The following PATL1 variants were observed in gnomAD, a reference collection of about 807,000 sequenced individuals.
The protein encoded by PATL1 is PAT1 homolog 1, processing body mRNA decay factor.
In PATL1, 32 loss-of-function variants were observed where a neutral mutation model predicts 100.6. The ratio of observed to expected loss-of-function variants is 0.32; its 90% CI spans 0.24 to 0.43. PATL1 has a LOEUF of 0.43. Among genes scored for constraint, PATL1 ranks in the 20% least tolerant of loss-of-function variants. The pLI, the probability that PATL1 is intolerant of heterozygous loss-of-function variation, is 1.00. For missense variants in PATL1, 747 were observed against 949.9 expected, an observed-to-expected ratio of 0.79 and a Z score of 2.81; for synonymous variants, 332 against 330.0, an observed-to-expected ratio of 1.01 and a Z score of -0.07.
At chr11:59,655,011 G>C (rs2134752190) in intron 8 of PATL1, among the ~76,000 whole-genome samples, 1 of 152,284 alleles carries the variant, frequency 6.6e-6, no homozygotes. Context: ...TCAAACTCAA[G>C]ACTGCAACTT....
chr11:59,656,447 A>G, intron 6 of PATL1, 52 bp downstream of exon 6: 3 of 1,444,726 alleles, frequency 2.1e-6, no homozygotes, highest in Non-Finnish European at 9.7e-7. Flanking sequence ...TCTTACAAAT[A>G]GTGATCAGAA....
In PATL1 at chr11:59,637,484, G is replaced by T. The variant is rs1861209131; in HGVS notation, c.*906C>A. Reference sequence around the variant, plus strand: ...ACTGAAGTAGTCTCAGGAAGACAGGGCAAGTGTGCAAAAAGCCACACTGCC... The same window carrying T: ...ACTGAAGTAGTCTCAGGAAGACAGGTCAAGTGTGCAAAAAGCCACACTGCC... On this transcript the variant is annotated 3_prime_UTR_variant, in exon 19 of 19. Coordinates refer to ENST00000300146, the MANE Select transcript of PATL1 (RefSeq NM_152716.3). The T allele has an allele frequency of 6.6e-6, 1 of 152,654 alleles. No individual in the cohort carries two copies. Among genetic ancestry groups the T allele is most frequent in the Admixed American group, 6.5e-5 (1 of 15,276 alleles). The allele number at this position is 152,654 out of a possible 1,614,324, so 9.5% of individuals were successfully genotyped here. A position where few individuals can be genotyped will look rare whatever the true frequency, so the allele number is the denominator to read the frequency against.
intron 2 of PATL1, among the ~76,000 whole-genome samples, chr11:59,666,240 C>T (rs746637335): frequency 1.8e-4 from 27 of 151,764 alleles, no homozygotes; most frequent in Middle Eastern, 3.2e-3. Flanking sequence ...AGCAAGACTT[C>T]ATCTCGAAAA....
chr11:59,650,735 C>T lies in PATL1; in HGVS notation c.1584+19G>A. Reference sequence around the variant, plus strand: ...GTTCCGTATTTGAAACTAACTACAGCAACAAATTCTAAACTTACTTTCTCA... The same window carrying T: ...GTTCCGTATTTGAAACTAACTACAGTAACAAATTCTAAACTTACTTTCTCA... On this transcript the variant is annotated intron_variant, in intron 13 of 18. Transcript: ENST00000300146. The T allele has an allele frequency of 6.6e-7, 1 of 1,525,316 alleles. No homozygotes were observed. The highest frequency in any genetic ancestry group is 8.9e-7 in the Non-Finnish European group (1 of 1,127,092). The allele number at this position is 1,525,316 out of a possible 1,614,324, so 94.5% of individuals were successfully genotyped here. A position where few individuals can be genotyped will look rare whatever the true frequency, so the allele number is the denominator to read the frequency against.
At chr11:59,652,398 A>G in intron 11 of PATL1, 66 bp downstream of exon 11, 1 of 1,543,132 alleles carries the variant, frequency 6.5e-7, no homozygotes, top group Non-Finnish European at 8.7e-7. Context: ...ACTTGTCTAT[A>G]TTTAATCACA....
intron 2 of PATL1, among the ~76,000 whole-genome samples, chr11:59,660,221 G>A (rs896987141): frequency 2.6e-5 from 4 of 152,118 alleles, no homozygotes; most frequent in East Asian, 1.9e-4. Context: ...GAATCCATTC[G>A]TTCCATTCAA....
chr11:59,641,302 C>CA (rs1336622137), intron 16 of PATL1, among the ~76,000 whole-genome samples: 1 of 151,908 alleles, frequency 6.6e-6, no homozygotes, highest in Non-Finnish European at 1.5e-5. Context: ...GCCTGGGTGA[C>CA]AGAGTGAGAT....
At chr11:59,659,088 C>G in intron 3 of PATL1, 142 bp from the exon 4 acceptor site, 1 of 1,006,836 alleles carries the variant, frequency 9.9e-7, no homozygotes, top group Non-Finnish European at 1.5e-6. Flanking sequence ...ATACATTATT[C>G]CCCAAGTTTA....
At chr11:59,667,935 G>A (rs183383365) in intron 1 of PATL1, among the ~76,000 whole-genome samples, 1 of 152,258 alleles carries the variant, frequency 6.6e-6, no homozygotes, top group Admixed American at 6.5e-5. Flanking sequence ...CAGTAGGTAC[G>A]TTTGTGATAC....
chr11:59,647,202 G>C (rs1861376417), intron 15 of PATL1, among the ~76,000 whole-genome samples: 1 of 121,418 alleles, frequency 8.2e-6, no homozygotes, highest in Non-Finnish European at 1.6e-5. Flanking sequence ...CTGCCTGTGT[G>C]ACAGAGCAAA....
chr11:59,659,657 A>G (rs746980398), intron 2 of PATL1, among the ~76,000 whole-genome samples, 188 bp from the exon 3 acceptor site: 1 of 151,918 alleles, frequency 6.6e-6, no homozygotes, highest in African/African-American at 2.4e-5. Flanking sequence ...CAGCCTCCCA[A>G]GTAGCTGGAG....
At position 59,638,308 on chromosome 11, in the gene PATL1, C is replaced by T. The variant is rs1565129023; in HGVS notation, c.*82G>A. The stretch of plus-strand genomic sequence containing the variant: ...CTTTGGGGAAAAAGCTACCTTCCTT[C>T]CCTCATTAAAAACACTCCATTGGTG... On this transcript the variant is annotated 3_prime_UTR_variant, in exon 19 of 19. Transcript: ENST00000300146. 15 of 1,413,138 alleles carry T rather than the reference C, an allele frequency of 1.1e-5. No homozygotes were observed. The highest frequency in any genetic ancestry group is 1.5e-5 in the Non-Finnish European group (15 of 1,007,228). The allele number at this position is 1,413,138 out of a possible 1,614,324, so 87.5% of individuals were successfully genotyped here. A position where few individuals can be genotyped will look rare whatever the true frequency, so the allele number is the denominator to read the frequency against.
In PATL1 at chr11:59,654,941, C is replaced by T. The variant is rs78476983; in HGVS notation, c.1031+582G>A. Reference sequence around the variant, plus strand: ...TTTCCCAGAAGAAGGAATTCTGCCTCAAAACTGGAACACAGAAATCCTGCT... The same window carrying T: ...TTTCCCAGAAGAAGGAATTCTGCCTTAAAACTGGAACACAGAAATCCTGCT... On this transcript the variant is annotated intron_variant, in intron 8 of 18. Transcript: ENST00000300146. Among the ~76,000 whole-genome samples the T allele has an allele frequency of 9.1e-3, 1,390 of 152,288 alleles. 17 individuals are homozygous for T. Among genetic ancestry groups the T allele is most frequent in the Middle Eastern group, 0.02 (6 of 294 alleles).
At chr11:59,666,103 C>T (rs1257457622) in intron 2 of PATL1, among the ~76,000 whole-genome samples, 2 of 152,042 alleles carry the variant, frequency 1.3e-5, no homozygotes, top group East Asian at 1.9e-4. Context: ...CTGGTTAGCT[C>T]GGTGTGGTGG....
chr11:59,638,685 T>G (rs1282611623), intron 18 of PATL1, among the ~76,000 whole-genome samples: 2 of 138,364 alleles, frequency 1.4e-5, no homozygotes, highest in African/African-American at 5.9e-5. Flanking sequence ...AACTTCTTTT[T>G]ATTTATTTTT....
rs761723216 is a variant in PATL1 at position 59,659,472 on chromosome 11, A to G, written c.128-3T>C. ...ATGTGCTTCCTGCCAATCATCATCT[A>G]TAAGATGACACAGTTCATGTAAGAA... On this transcript the variant is annotated splice_polypyrimidine_tract_variant and splice_region_variant and intron_variant, in intron 2 of 18. Coordinates refer to ENST00000300146, the MANE Select transcript of PATL1 (RefSeq NM_152716.3). 67 of 1,547,066 alleles carry G rather than the reference A, an allele frequency of 4.3e-5. No homozygotes were observed. The highest frequency in any genetic ancestry group is 1.7e-4 in the Middle Eastern group (1 of 6,006).
chr11:59,646,439 G>C (rs1219571326), intron 15 of PATL1, among the ~76,000 whole-genome samples: 3 of 152,014 alleles, frequency 2.0e-5, no homozygotes, highest in African/African-American at 7.2e-5. Flanking sequence ...ACTTGCCTCA[G>C]CCTCCCAAAG....
intron 1 of PATL1, among the ~76,000 whole-genome samples, chr11:59,668,575 T>G (rs1861726406): frequency 1.4e-5 from 2 of 143,404 alleles, no homozygotes; most frequent in South Asian, 4.4e-4. Flanking sequence ...TGCTCTACCC[T>G]CCGTGGCTCC....
At chr11:59,661,349 G>C in intron 2 of PATL1, among the ~76,000 whole-genome samples, 1 of 152,166 alleles carries the variant, frequency 6.6e-6, no homozygotes, top group East Asian at 1.9e-4. Context: ...GCCTTCCAAA[G>C]AGCTGGGATC....
Sources: gnomAD v4.1 joint callset for allele counts (sites outside exome capture counted in the v4.1 genomes callset) on GRCh38, gnomAD v4.1.1 for gene constraint, MANE v1.5 for transcripts, NCBI Gene and HGNC (gene_info 2026-07-23, HGNC 2026-07-21) for gene names.